Variants in DGKB observed in about 807,000 individuals in gnomAD.
The protein encoded by DGKB is 90 kDa diacylglycerol kinase.
Under a neutral mutation model 114.3 loss-of-function variants are expected in DGKB, and 67 were observed. That is an observed-to-expected ratio of 0.59 (90% CI 0.48 to 0.72). The LOEUF (loss-of-function observed/expected upper bound fraction) is 0.72, where lower values mean the gene tolerates loss of function less well. DGKB is among the 30% of genes least tolerant of loss of function. The pLI is 0.00. For synonymous variants in DGKB, 398 were observed against 323.1 expected (o/e 1.23, Z -2.49); for missense variants, 907 against 975.2 (o/e 0.93, Z 0.93).
At chr7:14,355,807 A>G (rs898832900) in intron 21 of DGKB, among the ~76,000 whole-genome samples, 5 of 152,132 alleles carry the variant, frequency 3.3e-5, no homozygotes, top group Admixed American at 6.6e-5. Context: ...GAGTTAGGGA[A>G]GACTCCCTCT....
At chr7:14,459,143 G>C (rs969400947) in intron 21 of DGKB, among the ~76,000 whole-genome samples, 1 of 152,182 alleles carries the variant, frequency 6.6e-6, no homozygotes, top group East Asian at 1.9e-4. Flanking sequence ...TAGCCAGACT[G>C]CCTCTCTCAA....
chr7:14,475,809 T>C (rs1782080209), intron 21 of DGKB, among the ~76,000 whole-genome samples: 2 of 152,212 alleles, frequency 1.3e-5, no homozygotes, highest in South Asian at 2.1e-4. Flanking sequence ...GTGAGGAATG[T>C]CACAAATTAG....
intron 21 of DGKB, among the ~76,000 whole-genome samples, chr7:14,461,625 C>CAA (rs201650466): frequency 6.6e-6 from 1 of 150,694 alleles, no homozygotes; most frequent in South Asian, 2.1e-4. Context: ...GCCTACAAAC[C>CAA]AAAAAAAAGC....
intron 23 of DGKB, among the ~76,000 whole-genome samples, chr7:14,321,615 A>G (rs547018915): frequency 2.0e-5 from 3 of 151,668 alleles, no homozygotes; most frequent in South Asian, 2.1e-4. Context: ...AAAAAAAAAA[A>G]AAAAGAAAAG....
chr7:14,678,734 A>C (rs1054000610), intron 12 of DGKB, among the ~76,000 whole-genome samples: 6 of 151,998 alleles, frequency 3.9e-5, no homozygotes, highest in African/African-American at 1.4e-4. Context: ...GCATTATAGG[A>C]AAAGTACCTT....
intron 21 of DGKB, among the ~76,000 whole-genome samples, chr7:14,475,535 A>G (rs1782040308): frequency 1.3e-5 from 2 of 152,170 alleles, no homozygotes; most frequent in African/African-American, 4.8e-5. Context: ...ATCTTAAAAA[A>G]TATTTGGCCA....
intron 21 of DGKB, among the ~76,000 whole-genome samples, chr7:14,436,144 A>C (rs1230161635): frequency 2.6e-5 from 4 of 152,182 alleles, no homozygotes; most frequent in Non-Finnish European, 5.9e-5. Flanking sequence ...GATCTGCTGC[A>C]TAACATTGTC....
intron 2 of DGKB, among the ~76,000 whole-genome samples, chr7:14,801,983 G>A (rs1389263926): frequency 4.7e-5 from 7 of 149,072 alleles, no homozygotes; most frequent in African/African-American, 1.5e-4. Context: ...ACACACATAC[G>A]TATATATGTT....
intron 17 of DGKB, among the ~76,000 whole-genome samples, chr7:14,604,055 A>G (rs1348906671): frequency 3.3e-5 from 5 of 152,170 alleles, no homozygotes; most frequent in Non-Finnish European, 5.9e-5. Context: ...AGTAATTTAT[A>G]TTTTATATTT....
chr7:14,335,370 G>C (rs1477930430), intron 23 of DGKB, among the ~76,000 whole-genome samples: 1 of 152,076 alleles, frequency 6.6e-6, no homozygotes, highest in Non-Finnish European at 1.5e-5. Flanking sequence ...CATGAATTTA[G>C]TTACATGTGT....
At chr7:14,501,398 A>C (rs144896932) in intron 20 of DGKB, among the ~76,000 whole-genome samples, 1 of 152,026 alleles carries the variant, frequency 6.6e-6, no homozygotes, top group African/African-American at 2.4e-5. Flanking sequence ...AATTTAATAC[A>C]TAAGAAACAT....
At chr7:14,224,563 A>G (rs1438714112) in intron 23 of DGKB, among the ~76,000 whole-genome samples, 2 of 151,828 alleles carry the variant, frequency 1.3e-5, no homozygotes, top group African/African-American at 4.8e-5. Context: ...CTCTTCAGGT[A>G]CCATACTTTT....
chr7:14,743,729 G>C (rs1257328592), intron 4 of DGKB, among the ~76,000 whole-genome samples: 1 of 151,970 alleles, frequency 6.6e-6, no homozygotes, highest in Non-Finnish European at 1.5e-5. Flanking sequence ...CACAATTAAG[G>C]TTGTTATATT....
intron 20 of DGKB, among the ~76,000 whole-genome samples, chr7:14,494,601 G>C (rs1785043205): frequency 6.6e-6 from 1 of 151,942 alleles, no homozygotes; most frequent in African/African-American, 2.4e-5. Flanking sequence ...CCTTAAATTA[G>C]TCTCACAAAC....
chr7:14,155,908 G>C (rs527418037), intron 25 of DGKB, among the ~76,000 whole-genome samples: 3 of 152,174 alleles, frequency 2.0e-5, no homozygotes, highest in East Asian at 1.9e-4. Context: ...TCGGAAGGGA[G>C]AACAGGTCTT....
At chr7:14,434,076 T>A (rs1187197544) in intron 21 of DGKB, among the ~76,000 whole-genome samples, 1 of 152,192 alleles carries the variant, frequency 6.6e-6, no homozygotes, top group Non-Finnish European at 1.5e-5. Flanking sequence ...TTAGTGATGG[T>A]CAATCTCTTT....
intron 1 of DGKB, among the ~76,000 whole-genome samples, chr7:14,932,961 C>G (rs1367208325): frequency 6.6e-6 from 1 of 152,116 alleles, no homozygotes; most frequent in Non-Finnish European, 1.5e-5. Flanking sequence ...ACTGGAGCTG[C>G]TACTGTCTGC....
chr7:14,915,429 C>T (rs1002022291), intron 1 of DGKB, among the ~76,000 whole-genome samples: 2 of 152,124 alleles, frequency 1.3e-5, no homozygotes, highest in Non-Finnish European at 2.9e-5. Context: ...GATGTTATAA[C>T]AGCTGTCTTC....
chr7:14,774,878 C>T (rs777910081), intron 2 of DGKB, among the ~76,000 whole-genome samples: 3 of 152,130 alleles, frequency 2.0e-5, no homozygotes, highest in Non-Finnish European at 4.4e-5. Flanking sequence ...AGATTGACAT[C>T]ATATTAAGTG....
Sources: allele counts gnomAD v4.1 joint callset (sites outside exome capture counted in the v4.1 genomes callset), GRCh38; gene constraint gnomAD v4.1.1; transcripts MANE v1.5; gene names NCBI Gene and HGNC (gene_info 2026-07-23, HGNC 2026-07-21).